TTR: variants seen among roughly 807,000 people sequenced by gnomAD.
TTR encodes epididymis luminal protein 111.
TTR carries 8 observed loss-of-function variants against 13.7 expected under a neutral mutation model. The ratio of observed to expected loss-of-function variants is 0.58; its 90% CI spans 0.34 to 1.05. The LOEUF is 1.05. TTR is among the 50% of genes least tolerant of loss of function. The pLI is 0.02. For missense variants in TTR, 135 were observed against 185.5 expected, an observed-to-expected ratio of 0.73 and a Z score of 1.58; for synonymous variants, 75 against 71.7, an observed-to-expected ratio of 1.05 and a Z score of -0.23.
intron 3 of TTR, 21 bp from the exon 4 acceptor site, chr18:31,598,547 T>C: frequency 2.5e-6 from 4 of 1,612,864 alleles, no homozygotes; most frequent in Non-Finnish European, 3.4e-6. Context: ...TGGAAATGGA[T>C]CTGTCTGTCT....
intron 3 of TTR, among the ~76,000 whole-genome samples, chr18:31,597,457 G>C (rs114664116): frequency 0.02 from 2,999 of 152,252 alleles, 108 homozygotes; most frequent in African/African-American, 0.069. Flanking sequence ...GTTGATTCTA[G>C]GGAATTGGCC....
chr18:31,598,218 C>T, intron 3 of TTR: 1 of 374,250 alleles, frequency 2.7e-6, no homozygotes, highest in South Asian at 2.2e-5. Flanking sequence ...TCTTCAATGA[C>T]TCAATGCAGT....
At position 31,598,382 on chromosome 18, in the gene TTR, G is replaced by A. The variant is rs533481274; in HGVS notation, c.337-186G>A. On this transcript the variant is annotated intron_variant, in intron 3 of 3. Coordinates refer to ENST00000237014, the MANE Select transcript of TTR (RefSeq NM_000371.4). ...ACTCTGTACTCCTGCTCTAAGGACTGTGCATGGTTCCAAAGGCTTAGCTTG... is the reference window on the plus strand; with the variant it reads ...ACTCTGTACTCCTGCTCTAAGGACTATGCATGGTTCCAAAGGCTTAGCTTG... 4.3e-4 allele frequency: 304 copies of A among 713,144 alleles called. 1 individual carries two copies. In the African/African-American group the frequency reaches 4.9e-3, roughly 12 times the overall value. 44.2% of individuals were successfully genotyped at this position (713,144 alleles called of 1,614,324 possible). A position where few individuals can be genotyped will look rare whatever the true frequency, so the allele number is the denominator to read the frequency against.
Position 31,593,727 on chromosome 18 carries a change from C to T in TTR, c.200+701C>T, listed in dbSNP as rs112618844. On this transcript the variant is annotated intron_variant, in intron 2 of 3. Transcript: ENST00000237014. Reference sequence around the variant, plus strand: ...CACCCGACTTCATGTCCAAGAGTGGCTTCTCACCTTCATTAGCCAGTTCAC... The same window carrying T: ...CACCCGACTTCATGTCCAAGAGTGGTTTCTCACCTTCATTAGCCAGTTCAC... 3.5e-3 allele frequency among the ~76,000 whole-genome samples: 538 copies of T among 152,248 alleles called. 7 individuals carry two copies. The highest frequency in any genetic ancestry group is 0.012 in the African/African-American group (495 of 41,538).
chr18:31,594,719 C>T (rs1306371853), intron 2 of TTR, among the ~76,000 whole-genome samples: 1 of 152,086 alleles, frequency 6.6e-6, no homozygotes, highest in African/African-American at 2.4e-5. Flanking sequence ...CAAAAATTAG[C>T]CAGGCATGGT....
chr18:31,592,843 C>A, intron 1 of TTR, 53 bp from the exon 2 acceptor site: 2 of 1,607,214 alleles, frequency 1.2e-6, no homozygotes, highest in South Asian at 1.1e-5. Flanking sequence ...AAGAATAAAT[C>A]CTTTCACTCT....
chr18:31,596,802 C>G (rs748558166), intron 3 of TTR, among the ~76,000 whole-genome samples: 1 of 152,198 alleles, frequency 6.6e-6, no homozygotes, highest in African/African-American at 2.4e-5. Flanking sequence ...GCAGGACCGT[C>G]AGCCCAGCTT....
chr18:31,596,595 C>T (rs571008129), intron 3 of TTR, among the ~76,000 whole-genome samples: 56 of 152,198 alleles, frequency 3.7e-4, no homozygotes, highest in African/African-American at 1.3e-3. Context: ...TGACATACTG[C>T]CCACATGTTG....
chr18:31,593,080 C>T, intron 2 of TTR, 54 bp downstream of exon 2: 1 of 1,609,666 alleles, frequency 6.2e-7, no homozygotes, highest in Non-Finnish European at 8.5e-7. Context: ...CCCGTTTGCC[C>T]CTCACTTGGT....
rs772657903 is a variant in TTR, at chr18:31,598,618, C to A, written c.387C>A (p.Ala129=). 1 of 1,614,214 alleles carries A rather than the reference C, an allele frequency of 6.2e-7. No homozygotes were observed. The highest frequency in any genetic ancestry group is 1.7e-5 in the Admixed American group (1 of 60,028). Residue 129 remains alanine (A), a synonymous_variant, in exon 4 of 4, where the codon GCC becomes GCA. Coordinates refer to ENST00000237014, the MANE Select transcript of TTR (RefSeq NM_000371.4). ...DSGPRRYTIA[A]LLSPYSYSTT... ...GCCCCCGCCGCTACACCATTGCCGC[C>A]CTGCTGAGCCCCTACTCCTATTCCA...
intron 2 of TTR, 175 bp downstream of exon 2, chr18:31,593,201 G>A: frequency 1.2e-6 from 1 of 819,524 alleles, no homozygotes; most frequent in Non-Finnish European, 1.9e-6. Context: ...GCTTAGCTAG[G>A]AAGTGACCAG....
intron 2 of TTR, chr18:31,593,517 A>C (rs1035317482): frequency 1.9e-4 from 32 of 169,814 alleles, no homozygotes; most frequent in Non-Finnish European, 9.0e-5. Context: ...GAATTCAGAA[A>C]TATTATTAAC....
chr18:31,592,813 TC>T (rs1260706055), intron 1 of TTR, 82 bp from the exon 2 acceptor site: 2 of 1,585,762 alleles, frequency 1.3e-6, no homozygotes, highest in Admixed American at 3.4e-5. Flanking sequence ...CTTGTTTCGC[TC>T]CAGATTTCTA....
chr18:31,598,721 A>G lies in TTR; in HGVS notation c.*46A>G, dbSNP rs746586615. 1.9e-6 allele frequency: 3 copies of G among 1,591,060 alleles called. No homozygotes were observed. Among genetic ancestry groups the G allele is most frequent in the Non-Finnish European group, 2.6e-6 (3 of 1,159,606 alleles). On this transcript the variant is annotated 3_prime_UTR_variant, in exon 4 of 4. Transcript: ENST00000237014. ...CCTGAAGGACGAGGGATGGGATTTCATGTAACCAAGAGTATTCCATTTTTA... is the reference window on the plus strand; with the variant it reads ...CCTGAAGGACGAGGGATGGGATTTCGTGTAACCAAGAGTATTCCATTTTTA...
chr18:31,593,217 T>C, intron 2 of TTR, 191 bp downstream of exon 2: 1 of 677,432 alleles, frequency 1.5e-6, no homozygotes, highest in Non-Finnish European at 2.4e-6. Flanking sequence ...ACCAGGAACC[T>C]GAGCATCATT....
At chr18:31,598,478 G>A (rs759470762) in intron 3 of TTR, 90 bp from the exon 4 acceptor site, 4 of 1,192,230 alleles carry the variant, frequency 3.4e-6, no homozygotes, top group Non-Finnish European at 5.0e-6. Context: ...TAATTAAGTT[G>A]GCACTGGACT....
intron 3 of TTR, 38 bp downstream of exon 3, chr18:31,595,293 G>T (rs1567946237): frequency 1.2e-6 from 2 of 1,613,936 alleles, no homozygotes; most frequent in Non-Finnish European, 1.7e-6. Flanking sequence ...TTTGGTTTTG[G>T]TTTTTGCTTT....
At chr18:31,592,438 A>G (rs1161725148) in intron 1 of TTR, among the ~76,000 whole-genome samples, 1 of 152,258 alleles carries the variant, frequency 6.6e-6, no homozygotes, top group East Asian at 1.9e-4. Context: ...AATCCTCTAG[A>G]AGAATTAACT....
rs2073509503 is a variant in TTR at position 31,595,032 on chromosome 18, A to G, written c.201-88A>G. ...TTCATAACATGTTTATAACATGTTT[A>G]TGTGTGTTAGTTGGTGGGGGTGTAT... On this transcript the variant is annotated intron_variant, in intron 2 of 3. Transcript: ENST00000237014. 5.1e-6 allele frequency: 7 copies of G among 1,371,668 alleles called. No individual in the cohort carries two copies. In the Admixed American group the frequency reaches 1.3e-4, roughly 25 times the overall value. The allele number at this position is 1,371,668 out of a possible 1,614,324, so 85.0% of individuals were successfully genotyped here. A position where few individuals can be genotyped will look rare whatever the true frequency, so the allele number is the denominator to read the frequency against.
Sources: allele counts gnomAD v4.1 joint callset (sites outside exome capture counted in the v4.1 genomes callset), GRCh38; gene constraint gnomAD v4.1.1; transcripts MANE v1.5; gene names NCBI Gene and HGNC (gene_info 2026-07-23, HGNC 2026-07-21).